Variants in PSD3 observed in about 807,000 individuals in gnomAD.
The protein encoded by PSD3 is pleckstrin and Sec7 domain containing 3.
A neutral mutation model predicts 105.5 loss-of-function variants in PSD3; 49 were observed. That is an observed-to-expected ratio of 0.46 (90% CI 0.37 to 0.59). PSD3 has a LOEUF of 0.59. Among genes scored for constraint, PSD3 ranks in the 20% least tolerant of loss-of-function variants. The pLI is 0.00. For missense variants in PSD3, 1,561 were observed against 1,263.8 expected, an observed-to-expected ratio of 1.24 and a Z score of -3.57; for synonymous variants, 557 against 457.8, an observed-to-expected ratio of 1.22 and a Z score of -2.77.
At chr8:18,969,591 A>C (rs1221268165) in intron 1 of PSD3, among the ~76,000 whole-genome samples, 1 of 152,246 alleles carries the variant, frequency 6.6e-6, no homozygotes, top group Non-Finnish European at 1.5e-5. Flanking sequence ...AAAATAATTT[A>C]AGACTACATT....
chr8:18,852,965 C>G (rs1036013012), intron 4 of PSD3, among the ~76,000 whole-genome samples: 1 of 152,068 alleles, frequency 6.6e-6, no homozygotes, highest in Non-Finnish European at 1.5e-5. Context: ...ATTTCATACA[C>G]GAAGAAGCTG....
chr8:18,965,446 C>T (rs1327312212), intron 1 of PSD3, among the ~76,000 whole-genome samples: 1 of 152,228 alleles, frequency 6.6e-6, no homozygotes, highest in East Asian at 1.9e-4. Flanking sequence ...TCTCTCATCC[C>T]ATTACCCCGT....
intron 1 of PSD3, among the ~76,000 whole-genome samples, chr8:19,038,954 C>T (rs565068722): frequency 1.1e-4 from 17 of 152,182 alleles, no homozygotes; most frequent in African/African-American, 3.4e-4. Context: ...CAAGGACAGA[C>T]AGTAAATGCT....
At chr8:18,894,677 AAAAGAAATCTTACC>A (rs1270829151) in intron 2 of PSD3, among the ~76,000 whole-genome samples, 1 of 152,198 alleles carries the variant, frequency 6.6e-6, no homozygotes, top group Non-Finnish European at 1.5e-5. Flanking sequence ...AGGCAAATAC[AAAAGAAATCTTACC>A]AAGCAGAATT....
intron 1 of PSD3, among the ~76,000 whole-genome samples, chr8:19,002,508 T>C (rs949354103): frequency 6.6e-6 from 1 of 152,062 alleles, no homozygotes; most frequent in African/African-American, 2.4e-5. Flanking sequence ...TGATGGTCAT[T>C]TGGCATGACT....
At chr8:18,643,551 G>A (rs574985078) in intron 10 of PSD3, among the ~76,000 whole-genome samples, 10 of 152,240 alleles carry the variant, frequency 6.6e-5, no homozygotes, top group African/African-American at 2.2e-4. Flanking sequence ...CAAATACTAT[G>A]GTGAGACAGA....
At chr8:18,941,760 C>T (rs1268599333) in intron 1 of PSD3, among the ~76,000 whole-genome samples, 1 of 150,734 alleles carries the variant, frequency 6.6e-6, no homozygotes, top group African/African-American at 2.4e-5. Context: ...GCAACCTCCG[C>T]CTCCCGGGTT....
rs1200631745 is a variant in PSD3, at chr8:18,527,351, A to G, written c.*8392T>C. On this transcript the variant is annotated 3_prime_UTR_variant, in exon 16 of 16. Coordinates refer to ENST00000327040, the MANE Select transcript of PSD3 (RefSeq NM_015310.4). ...TTCTTTCTAAAGTTTGTACATTTACATGTATCATATACATATTTTAAATCC... is the reference window on the plus strand; with the variant it reads ...TTCTTTCTAAAGTTTGTACATTTACGTGTATCATATACATATTTTAAATCC... 2 of 152,682 alleles carry G rather than the reference A, an allele frequency of 1.3e-5. No individual in the cohort carries two copies. The highest frequency in any genetic ancestry group is 3.8e-4 in the East Asian group (2 of 5,208). The allele number at this position is 152,682 out of a possible 1,614,324, so 9.5% of individuals were successfully genotyped here. A position where few individuals can be genotyped will look rare whatever the true frequency, so the allele number is the denominator to read the frequency against.
chr8:18,768,275 G>T (rs1278079861), intron 8 of PSD3, among the ~76,000 whole-genome samples: 1 of 151,778 alleles, frequency 6.6e-6, no homozygotes, highest in African/African-American at 2.4e-5. Flanking sequence ...GACAGAGAGA[G>T]AGTCCAGTTC....
chr8:18,678,381 G>C (rs980152572), intron 9 of PSD3, among the ~76,000 whole-genome samples: 4 of 152,174 alleles, frequency 2.6e-5, no homozygotes, highest in South Asian at 2.1e-4. Flanking sequence ...ATGGAAACTA[G>C]AAAATATACC....
At chr8:18,795,075 C>A (rs1486313462) in intron 8 of PSD3, among the ~76,000 whole-genome samples, 2 of 152,168 alleles carry the variant, frequency 1.3e-5, no homozygotes, top group Non-Finnish European at 2.9e-5. Flanking sequence ...TACAATCTAT[C>A]TCACACTGAA....
At chr8:18,786,222 T>C (rs1022703735) in intron 8 of PSD3, among the ~76,000 whole-genome samples, 4 of 152,080 alleles carry the variant, frequency 2.6e-5, no homozygotes, top group African/African-American at 9.7e-5. Context: ...AGTTTTCCAA[T>C]TTAAACTTGA....
chr8:18,532,696 A>G lies in PSD3; in HGVS notation c.*3047T>C, dbSNP rs751874485. The stretch of plus-strand genomic sequence containing the variant: ...TCAGAAATGCCTACGGGCTGGCGAT[A>G]AAGTAAGGACTCTGCATCCCAGTAA... On this transcript the variant is annotated 3_prime_UTR_variant, in exon 16 of 16. Coordinates refer to ENST00000327040, the MANE Select transcript of PSD3 (RefSeq NM_015310.4). The G allele has an allele frequency of 6.6e-6, 1 of 152,194 alleles. No homozygotes were observed. Among genetic ancestry groups the G allele is most frequent in the Non-Finnish European group, 1.5e-5 (1 of 68,038 alleles). 9.4% of individuals were successfully genotyped at this position (152,194 alleles called of 1,614,324 possible). A position where few individuals can be genotyped will look rare whatever the true frequency, so the allele number is the denominator to read the frequency against.
chr8:18,617,051 A>G (rs1563383437), intron 11 of PSD3, among the ~76,000 whole-genome samples: 1 of 152,082 alleles, frequency 6.6e-6, no homozygotes, highest in Non-Finnish European at 1.5e-5. Flanking sequence ...CCCTGTGTGC[A>G]TGTTAATAAA....
intron 1 of PSD3, among the ~76,000 whole-genome samples, chr8:18,955,682 C>T (rs975985193): frequency 6.6e-6 from 1 of 152,198 alleles, no homozygotes; most frequent in Non-Finnish European, 1.5e-5. Flanking sequence ...TCCAGAGAGG[C>T]TGTCCCAGGA....
intron 9 of PSD3, chr8:18,684,083 C>A (rs1800526119): frequency 1.7e-6 from 1 of 582,830 alleles, no homozygotes; most frequent in East Asian, 2.7e-5. Flanking sequence ...CACCAGGCTG[C>A]CTCCCCCAGC....
intron 4 of PSD3, among the ~76,000 whole-genome samples, chr8:18,806,266 T>C (rs925346322): frequency 3.3e-5 from 5 of 152,192 alleles, no homozygotes; most frequent in African/African-American, 9.7e-5. Context: ...CACCATAAGA[T>C]ATCAACGCAG....
At chr8:18,747,002 C>G (rs910326108) in intron 9 of PSD3, among the ~76,000 whole-genome samples, 8 of 152,246 alleles carry the variant, frequency 5.3e-5, no homozygotes, top group African/African-American at 1.7e-4. Flanking sequence ...CTCTCTCTCT[C>G]TACCTGTGTA....
At chr8:18,873,543 T>G (rs1047116834) in intron 2 of PSD3, among the ~76,000 whole-genome samples, 2 of 152,188 alleles carry the variant, frequency 1.3e-5, no homozygotes, top group East Asian at 1.9e-4. Flanking sequence ...ATTAACAACA[T>G]ACCAGTACTG....
Sources: gnomAD v4.1 joint callset for allele counts (sites outside exome capture counted in the v4.1 genomes callset) on GRCh38, gnomAD v4.1.1 for gene constraint, MANE v1.5 for transcripts, NCBI Gene and HGNC (gene_info 2026-07-23, HGNC 2026-07-21) for gene names.